The following PDE8B variants were observed in gnomAD, a reference collection of about 807,000 sequenced individuals.
The protein encoded by PDE8B is high affinity cAMP-specific and IBMX-insensitive 3',5'-cyclic phosphodiesterase 8B.
In PDE8B, 26 loss-of-function variants were observed where a neutral mutation model predicts 101.3. The ratio of observed to expected loss-of-function variants is 0.26; its 90% CI spans 0.19 to 0.36. The LOEUF is 0.36. Ranked by LOEUF, PDE8B falls within the 10% of genes least tolerant of loss-of-function variation. The probability of loss-of-function intolerance (pLI) is 1.00; values close to 1 mark genes in which losing one functional copy is unlikely to be tolerated. For missense variants in PDE8B, 810 were observed against 1,163.1 expected (o/e 0.70, Z 4.42); for synonymous variants, 424 against 429.3 (o/e 0.99, Z 0.15).
At chr5:77,258,982 C>A (rs7702192) in intron 1 of PDE8B, among the ~76,000 whole-genome samples, 68,809 of 148,712 alleles carry the variant, frequency 0.46, 16,072 homozygotes, top group South Asian at 0.55. Context: ...GTACTGAATA[C>A]CTTCTCTCAT....
chr5:77,291,619 G>A lies in PDE8B; in HGVS notation c.340-20375G>A, dbSNP rs932770962. 19 of 1,597,472 alleles carry A rather than the reference G, an allele frequency of 1.2e-5. No individual in the cohort carries two copies. In the African/African-American group the frequency reaches 2.1e-4, roughly 18 times the overall value. Reference sequence around the variant, plus strand: ...CTTGGACCTAAAGGATCAGACTGTGGCACTGTAAATGTCAACATTCCAACA... The same window carrying A: ...CTTGGACCTAAAGGATCAGACTGTGACACTGTAAATGTCAACATTCCAACA... On this transcript the variant is annotated intron_variant, in intron 1 of 21. Transcript: ENST00000264917.
chr5:77,115,055 C>T, the PDE8B span: 1 of 152,242 alleles, frequency 6.6e-6, no homozygotes, highest in East Asian at 1.9e-4. Context: ...CCTGCTGACA[C>T]CTTATTGGCC....
chr5:77,256,836 T>A (rs915398487), intron 1 of PDE8B, among the ~76,000 whole-genome samples: 1 of 152,212 alleles, frequency 6.6e-6, no homozygotes, highest in African/African-American at 2.4e-5. Flanking sequence ...GCATATAGAT[T>A]TTCTGAATAA....
the PDE8B span, among the ~76,000 whole-genome samples, chr5:77,135,891 A>G: frequency 1.3e-5 from 2 of 152,208 alleles, no homozygotes; most frequent in South Asian, 4.1e-4. Flanking sequence ...TGCTGGGATA[A>G]CAGGCATGAG....
intron 1 of PDE8B, among the ~76,000 whole-genome samples, chr5:77,214,941 G>C (rs1364669648): frequency 6.6e-6 from 1 of 152,124 alleles, no homozygotes; most frequent in African/African-American, 2.4e-5. Context: ...TAAATTATCT[G>C]TCTGTTGACC....
At chr5:77,162,007 T>A in the PDE8B span, among the ~76,000 whole-genome samples, 2 of 151,724 alleles carry the variant, frequency 1.3e-5, no homozygotes, top group African/African-American at 4.8e-5. Flanking sequence ...GTGAGGAAAA[T>A]ATAATCATGT....
chr5:77,291,194 T>C, intron 1 of PDE8B: 1 of 1,610,896 alleles, frequency 6.2e-7, no homozygotes, highest in Non-Finnish European at 8.5e-7. Context: ...GGCGACTGTT[T>C]GTACATGAAA....
chr5:77,416,525 G>C (rs2151139671), intron 17 of PDE8B, among the ~76,000 whole-genome samples: 1 of 152,286 alleles, frequency 6.6e-6, no homozygotes, highest in Non-Finnish European at 1.5e-5. Context: ...GCTTGCCCTG[G>C]GCACTGCAGA....
At chr5:77,236,440 A>G (rs1481287535) in intron 1 of PDE8B, among the ~76,000 whole-genome samples, 1 of 152,268 alleles carries the variant, frequency 6.6e-6, no homozygotes, top group African/African-American at 2.4e-5. Flanking sequence ...GGAGAAATTC[A>G]GTTTCTAAGA....
chr5:77,317,267 T>C (rs947027391), intron 2 of PDE8B, among the ~76,000 whole-genome samples: 1 of 152,266 alleles, frequency 6.6e-6, no homozygotes, highest in Non-Finnish European at 1.5e-5. Flanking sequence ...TTTTACTTTT[T>C]TTTCTCCTTG....
the PDE8B span, among the ~76,000 whole-genome samples, chr5:77,099,904 C>A: frequency 6.6e-6 from 1 of 152,108 alleles, no homozygotes; most frequent in Non-Finnish European, 1.5e-5. Flanking sequence ...ACCACAACGC[C>A]CGGCCCGGGG....
At chr5:77,232,328 C>T (rs1000637606) in intron 1 of PDE8B, among the ~76,000 whole-genome samples, 3 of 152,144 alleles carry the variant, frequency 2.0e-5, no homozygotes, top group African/African-American at 4.8e-5. Flanking sequence ...CATTGTATTG[C>T]GATAAGCCTG....
the PDE8B span, among the ~76,000 whole-genome samples, chr5:77,198,592 G>A: frequency 1.3e-5 from 2 of 152,268 alleles, no homozygotes; most frequent in African/African-American, 4.8e-5. Context: ...AGCTGGGGTA[G>A]TCATATTGTA....
the PDE8B span, chr5:77,112,775 C>G: frequency 1.3e-5 from 2 of 152,178 alleles, no homozygotes; most frequent in South Asian, 4.1e-4. Flanking sequence ...GCCCCATCAT[C>G]TCAGCCCAAA....
chr5:77,378,623 C>G (rs34093656), intron 10 of PDE8B, among the ~76,000 whole-genome samples: 1 of 151,990 alleles, frequency 6.6e-6, no homozygotes, highest in Non-Finnish European at 1.5e-5. Flanking sequence ...AGAGAGCTTG[C>G]GAGTCAGTAG....
At chr5:77,407,341 G>A (rs1793675780) in intron 12 of PDE8B, 40 bp from the exon 13 acceptor site, 2 of 1,544,004 alleles carry the variant, frequency 1.3e-6, no homozygotes, top group East Asian at 2.2e-5. Flanking sequence ...GCCACACTGA[G>A]CCACCGGAAC....
chr5:77,358,552 GT>G, intron 10 of PDE8B: 1 of 443,014 alleles, frequency 2.3e-6, no homozygotes, highest in Non-Finnish European at 3.0e-6. Context: ...TTGAAAACTA[GT>G]TTTTACTCCT....
chr5:77,099,689 G>A, the PDE8B span, among the ~76,000 whole-genome samples: 1 of 151,612 alleles, frequency 6.6e-6, no homozygotes, highest in Admixed American at 6.6e-5. Context: ...TCAACTCACT[G>A]CAACCTCCGC....
intron 1 of PDE8B, among the ~76,000 whole-genome samples, chr5:77,263,926 A>T (rs957107118): frequency 6.6e-6 from 1 of 152,152 alleles, no homozygotes; most frequent in Non-Finnish European, 1.5e-5. Flanking sequence ...ATTAGCAGTC[A>T]CTACCCATTT....
Sources: gnomAD v4.1 joint callset for allele counts (sites outside exome capture counted in the v4.1 genomes callset) on GRCh38, gnomAD v4.1.1 for gene constraint, MANE v1.5 for transcripts, NCBI Gene and HGNC (gene_info 2026-07-23, HGNC 2026-07-21) for gene names.